The following INPP4A variants were observed in gnomAD, a reference collection of about 807,000 sequenced individuals.
The protein encoded by INPP4A is inositol polyphosphate-4-phosphatase type I A, also known as inositol polyphosphate-4-phosphatase, type I, 107kD.
A neutral mutation model predicts 119.8 loss-of-function variants in INPP4A; 33 were observed. The observed-to-expected ratio is 0.28, with a 90% CI of 0.21 to 0.37. INPP4A has a LOEUF of 0.37. Ranked by LOEUF, INPP4A falls within the 10% of genes least tolerant of loss-of-function variation. The pLI is 1.00. For synonymous variants in INPP4A, 496 were observed against 500.7 expected, an observed-to-expected ratio of 0.99 and a Z score of 0.12; for missense variants, 956 against 1,289.9, an observed-to-expected ratio of 0.74 and a Z score of 3.97.
At chr2:98,548,698 T>C (rs1692932721) in intron 13 of INPP4A, among the ~76,000 whole-genome samples, 1 of 152,186 alleles carries the variant, frequency 6.6e-6, no homozygotes, top group Admixed American at 6.5e-5. Flanking sequence ...GTATTCATGA[T>C]TTGAACTTTC....
chr2:98,468,411 A>AT (rs1675236293), intron 1 of INPP4A, among the ~76,000 whole-genome samples: 2 of 151,838 alleles, frequency 1.3e-5, no homozygotes, highest in African/African-American at 4.8e-5. Flanking sequence ...TTTATTTTTT[A>AT]TTTTTTTGTA....
chr2:98,552,843 G>A lies in INPP4A; in HGVS notation c.1221G>A (p.Lys407=), dbSNP rs561713224. 6 of 1,613,818 alleles carry A rather than the reference G, an allele frequency of 3.7e-6. No individual in the cohort carries two copies. The East Asian group carries it at 1.1e-4, about 30-fold the overall frequency. ...IYIPQDVVRA[K]EIIAQINTLK... The stretch of plus-strand genomic sequence containing the variant: ...TACCCCAGGATGTTGTCAGAGCCAA[G>A]GAGATCATCGCCCAGATCAACACCC... Residue 407 remains lysine (K), a synonymous_variant, in exon 14 of 25, where the codon AAG becomes AAA. Transcript: ENST00000409851.
At chr2:98,513,300 GC>G (rs1685480805) in intron 1 of INPP4A, among the ~76,000 whole-genome samples, 1 of 152,154 alleles carries the variant, frequency 6.6e-6, no homozygotes, top group Admixed American at 6.5e-5. Context: ...TTCCTGGGCG[GC>G]CCCCTCAAGT....
At chr2:98,464,025 G>A (rs940740105) in intron 1 of INPP4A, among the ~76,000 whole-genome samples, 2 of 152,134 alleles carry the variant, frequency 1.3e-5, no homozygotes, top group African/African-American at 4.8e-5. Flanking sequence ...TATCTCAGAG[G>A]GCCTGCAGAT....
chr2:98,520,247 C>A, intron 3 of INPP4A, 93 bp downstream of exon 3: 1 of 945,754 alleles, frequency 1.1e-6, no homozygotes, highest in Admixed American at 2.3e-5. Context: ...CCCAATGATT[C>A]CCCATGACTA....
chr2:98,559,357 G>A (rs114428779), intron 16 of INPP4A, 106 bp from the exon 17 acceptor site: 14,077 of 1,283,458 alleles, frequency 0.011, 98 homozygotes, highest in Middle Eastern at 0.024. Context: ...TTTGTTAGCC[G>A]CCTTACTGCA....
At position 98,554,381 on chromosome 2, in the gene INPP4A, T is replaced by C. The variant is rs74831847; in HGVS notation, c.1458T>C (p.Thr486=). The change falls in exon 15 of 25, where the codon ACT becomes ACC. Residue 486 remains threonine, a synonymous_variant. Transcript: ENST00000409851. This position sits in a 1 kb window ranked among gnomAD's most constrained non-coding sequence, Gnocchi z 4.7. Reference sequence around the variant, plus strand: ...CCTCCAAGGCCTCTCCCACTTCGACTGAGGAGGAGCAGGTGATGCTTAGAA... The same window carrying C: ...CCTCCAAGGCCTCTCCCACTTCGACCGAGGAGGAGCAGGTGATGCTTAGAA... ...YIASKASPTS[T]EEEQVMLRND... 8.3e-4 allele frequency: 1,345 copies of C among 1,613,742 alleles called. 21 individuals are homozygous for C. The East Asian group carries it at 0.025, about 30-fold the overall frequency.
intron 1 of INPP4A, among the ~76,000 whole-genome samples, chr2:98,460,513 C>G (rs2104624378): frequency 6.6e-6 from 1 of 152,258 alleles, no homozygotes. Flanking sequence ...CTCTTTCATT[C>G]TTTTTGTTTG....
At chr2:98,550,804 C>T (rs1426384063) in intron 13 of INPP4A, among the ~76,000 whole-genome samples, 1 of 152,154 alleles carries the variant, frequency 6.6e-6, no homozygotes, top group East Asian at 1.9e-4. Context: ...GAATACAGGG[C>T]AAGTATAGGG....
At chr2:98,512,495 G>A (rs938529529) in intron 1 of INPP4A, among the ~76,000 whole-genome samples, 11 of 152,246 alleles carry the variant, frequency 7.2e-5, no homozygotes, top group Non-Finnish European at 1.5e-4. Context: ...TGGAGGCTGG[G>A]AAGTCCTGGA....
At chr2:98,468,507 A>C (rs568461256) in intron 1 of INPP4A, among the ~76,000 whole-genome samples, 4 of 152,118 alleles carry the variant, frequency 2.6e-5, no homozygotes, top group African/African-American at 9.7e-5. Context: ...CCAAAGCGCT[A>C]GGATTTCAGG....
intron 24 of INPP4A, among the ~76,000 whole-genome samples, chr2:98,579,240 G>A (rs1488820008): frequency 2.0e-5 from 3 of 152,160 alleles, no homozygotes; most frequent in African/African-American, 7.2e-5. Flanking sequence ...TAGTAGAAAC[G>A]GGGTTTGGCC....
chr2:98,464,279 G>A (rs777126510), intron 1 of INPP4A, among the ~76,000 whole-genome samples: 1 of 152,092 alleles, frequency 6.6e-6, no homozygotes, highest in East Asian at 1.9e-4. Flanking sequence ...CCACATCCTC[G>A]CAGCAACCCA....
At chr2:98,539,746 C>G (rs967083628) in intron 10 of INPP4A, 71 bp downstream of exon 10, 2 of 1,468,496 alleles carry the variant, frequency 1.4e-6, no homozygotes, top group Admixed American at 4.4e-5. Flanking sequence ...TGAGATATAG[C>G]GGGCAGAGCA....
At chr2:98,530,744 CAAT>C (rs1280374109) in intron 4 of INPP4A, among the ~76,000 whole-genome samples, 5 of 151,952 alleles carry the variant, frequency 3.3e-5, no homozygotes, top group Non-Finnish European at 7.4e-5. Context: ...TGAACAGAAA[CAAT>C]AAACATAGAA....
At chr2:98,454,760 CG>C (rs1274842082) in intron 1 of INPP4A, among the ~76,000 whole-genome samples, 1 of 98,552 alleles carries the variant, frequency 1.0e-5, no homozygotes. Flanking sequence ...AGGATGTGGG[CG>C]GGGGGTGGGA....
At chr2:98,510,671 A>G (rs1241652845) in intron 1 of INPP4A, among the ~76,000 whole-genome samples, 3 of 152,066 alleles carry the variant, frequency 2.0e-5, no homozygotes, top group Non-Finnish European at 4.4e-5. Context: ...TCACCTCCCA[A>G]AGGCCCCGCT....
chr2:98,583,641 G>A (rs544927457), intron 24 of INPP4A, among the ~76,000 whole-genome samples: 107 of 152,252 alleles, frequency 7.0e-4, no homozygotes, highest in African/African-American at 2.4e-3. Context: ...TTATGAAGAC[G>A]ATTTTTTTTA....
intron 1 of INPP4A, among the ~76,000 whole-genome samples, chr2:98,476,560 G>C (rs935616577): frequency 6.6e-6 from 1 of 152,278 alleles, no homozygotes; most frequent in Admixed American, 6.5e-5. Flanking sequence ...CCAGCCCTGG[G>C]GTGTGTGTGG....
Sources: gnomAD v4.1 joint callset for allele counts (sites outside exome capture counted in the v4.1 genomes callset) on GRCh38, gnomAD v4.1.1 for gene constraint, Gnocchi (gnomAD v3.1) non-coding constraint, MANE v1.5 for transcripts, NCBI Gene and HGNC (gene_info 2026-07-23, HGNC 2026-07-21) for gene names.